The following LMNTD1 variants were observed in gnomAD, a reference collection of about 807,000 sequenced individuals.
LMNTD1 encodes the protein lamin tail domain-containing protein 1.
LMNTD1 carries 35 observed loss-of-function variants against 50.9 expected under a neutral mutation model. The observed-to-expected ratio is 0.69, with a 90% confidence interval of 0.53 to 0.91. The LOEUF (loss-of-function observed/expected upper bound fraction) is 0.91, where lower values mean the gene tolerates loss of function less well. LMNTD1 is among the 40% of genes least tolerant of loss of function. The probability of loss-of-function intolerance (pLI) is 0.00; values close to 1 mark genes in which losing one functional copy is unlikely to be tolerated. For synonymous variants in LMNTD1, 153 were observed against 161.9 expected (o/e 0.94, Z 0.42); for missense variants, 470 against 475.5 (o/e 0.99, Z 0.11).
chr12:25,562,128 C>T (rs1944356506), intron 1 of LMNTD1, among the ~76,000 whole-genome samples: 2 of 152,080 alleles, frequency 1.3e-5, no homozygotes, highest in Admixed American at 6.5e-5. Flanking sequence ...AACATTTAGC[C>T]CATTTACATT....
chr12:25,641,019 C>T (rs192863671), intron 1 of LMNTD1, among the ~76,000 whole-genome samples: 1 of 152,212 alleles, frequency 6.6e-6, no homozygotes, highest in Admixed American at 6.5e-5. Context: ...TGTTCATTTA[C>T]TCATACTACA....
At chr12:25,523,079 G>A (rs1941448786) in intron 6 of LMNTD1, among the ~76,000 whole-genome samples, 1 of 151,838 alleles carries the variant, frequency 6.6e-6, no homozygotes, top group Non-Finnish European at 1.5e-5. Flanking sequence ...CTTCGCCCAG[G>A]CTGGAGTGCA....
At chr12:25,601,719 T>A (rs375656897) in intron 1 of LMNTD1, among the ~76,000 whole-genome samples, 16 of 152,070 alleles carry the variant, frequency 1.1e-4, no homozygotes, top group African/African-American at 3.6e-4. Flanking sequence ...AATCAATACC[T>A]AACCATCACC....
At chr12:25,644,601 G>C (rs1231782587) in intron 1 of LMNTD1, among the ~76,000 whole-genome samples, 2 of 152,062 alleles carry the variant, frequency 1.3e-5, no homozygotes, top group African/African-American at 2.4e-5. Context: ...AAAAGAGAAT[G>C]ATGAAAACCA....
intron 1 of LMNTD1, among the ~76,000 whole-genome samples, chr12:25,616,239 AATT>A (rs1365584526): frequency 1.3e-5 from 2 of 152,254 alleles, no homozygotes; most frequent in Admixed American, 6.5e-5. Flanking sequence ...AAAAATATTT[AATT>A]ATTATTATTG....
At chr12:25,648,438 G>C (rs1447855399) in intron 1 of LMNTD1, 5 of 1,395,494 alleles carry the variant, frequency 3.6e-6, no homozygotes, top group Non-Finnish European at 1.0e-6. Context: ...AAAAGGAAAT[G>C]AGGGAAGCCA....
At chr12:25,486,767 T>G (rs1467507696) in intron 9 of LMNTD1, among the ~76,000 whole-genome samples, 1 of 150,038 alleles carries the variant, frequency 6.7e-6, no homozygotes, top group Admixed American at 6.7e-5. Flanking sequence ...GATAATCATG[T>G]GGTTTTTGTC....
chr12:25,528,144 A>G (rs933936894), intron 4 of LMNTD1, among the ~76,000 whole-genome samples: 1 of 152,168 alleles, frequency 6.6e-6, no homozygotes, highest in Non-Finnish European at 1.5e-5. Context: ...TCACAATAAC[A>G]TACGTATTTC....
chr12:25,569,481 G>A (rs980082649), intron 1 of LMNTD1, among the ~76,000 whole-genome samples: 21 of 152,120 alleles, frequency 1.4e-4, no homozygotes, highest in Admixed American at 1.3e-3. Context: ...TAAGACTTTG[G>A]GGGACTGTTG....
chr12:25,513,852 A>G (rs1940522442), intron 8 of LMNTD1, among the ~76,000 whole-genome samples: 1 of 152,240 alleles, frequency 6.6e-6, no homozygotes. Flanking sequence ...TGAGAAATCT[A>G]CAAACGATAT....
intron 1 of LMNTD1, among the ~76,000 whole-genome samples, chr12:25,598,775 C>T (rs546419092): frequency 3.9e-5 from 6 of 152,014 alleles, no homozygotes; most frequent in African/African-American, 1.2e-4. Context: ...TTACTGGACA[C>T]ATGTAACCTT....
chr12:25,621,637 C>T (rs7306689), intron 1 of LMNTD1, among the ~76,000 whole-genome samples: 109,811 of 152,014 alleles, frequency 0.72, 39,944 homozygotes, highest in Non-Finnish European at 0.75. Flanking sequence ...TAATTCTGTT[C>T]CCCTATTTTT....
intron 1 of LMNTD1, among the ~76,000 whole-genome samples, chr12:25,606,970 T>C (rs1277882470): frequency 6.6e-6 from 1 of 152,198 alleles, no homozygotes; most frequent in Non-Finnish European, 1.5e-5. Context: ...CCTGGACTTT[T>C]TTTGGTTGGT....
chr12:25,608,883 G>A (rs1019158307), intron 1 of LMNTD1, among the ~76,000 whole-genome samples: 5 of 152,122 alleles, frequency 3.3e-5, no homozygotes, highest in Non-Finnish European at 7.3e-5. Context: ...GTTTGGTTGG[G>A]GAAGTTCTCC....
chr12:25,586,600 T>G (rs1248908213), intron 1 of LMNTD1, among the ~76,000 whole-genome samples: 2 of 152,200 alleles, frequency 1.3e-5, no homozygotes, highest in African/African-American at 4.8e-5. Flanking sequence ...TCTGAGGATC[T>G]TCTCAGAAAG....
intron 8 of LMNTD1, among the ~76,000 whole-genome samples, chr12:25,512,872 G>A (rs889680222): frequency 2.0e-5 from 3 of 151,478 alleles, no homozygotes; most frequent in Admixed American, 6.6e-5. Flanking sequence ...TATGGGGGGG[G>A]GCTTTAATGA....
At chr12:25,617,238 CAG>C (rs1946368867) in intron 1 of LMNTD1, among the ~76,000 whole-genome samples, 1 of 152,262 alleles carries the variant, frequency 6.6e-6, no homozygotes, top group Admixed American at 6.5e-5. Flanking sequence ...CTGATGGGCA[CAG>C]AGTTTATGTT....
chr12:25,646,675 A>T (rs573872229), intron 1 of LMNTD1, among the ~76,000 whole-genome samples: 1 of 152,320 alleles, frequency 6.6e-6, no homozygotes, highest in East Asian at 1.9e-4. Context: ...ACCATAGTTC[A>T]GAGATAGGTC....
At chr12:25,490,637 GGA>G (rs1938852652) in intron 9 of LMNTD1, among the ~76,000 whole-genome samples, 2 of 152,226 alleles carry the variant, frequency 1.3e-5, no homozygotes, top group Admixed American at 1.3e-4. Flanking sequence ...CTTTATTTTT[GGA>G]CAGTTATTTT....
Sources: gnomAD v4.1 joint callset for allele counts (sites outside exome capture counted in the v4.1 genomes callset) on GRCh38, gnomAD v4.1.1 for gene constraint, MANE v1.5 for transcripts, NCBI Gene and HGNC (gene_info 2026-07-23, HGNC 2026-07-21) for gene names.